Variants in TTC28 observed in about 807,000 individuals in gnomAD.
TTC28 encodes tetratricopeptide repeat domain 28.
In TTC28, 61 loss-of-function variants were observed where a neutral mutation model predicts 198.0. That is an observed-to-expected ratio of 0.31 (90% CI 0.25 to 0.38). The LOEUF is 0.38. Among genes scored for constraint, TTC28 ranks in the 10% least tolerant of loss-of-function variants. The pLI is 1.00. For missense variants in TTC28, 2,678 were observed against 3,164.0 expected (o/e 0.85, Z 3.69); for synonymous variants, 1,171 against 1,297.8 (o/e 0.90, Z 2.10).
chr22:28,640,243 G>C (rs577329185), intron 1 of TTC28, among the ~76,000 whole-genome samples: 1 of 133,682 alleles, frequency 7.5e-6, no homozygotes, highest in Non-Finnish European at 1.6e-5. Flanking sequence ...CTGGGCAACA[G>C]AGTGAGACCC....
rs555761078 is a variant in TTC28 at position 28,486,720 on chromosome 22, C to G, written c.381+142832G>C. On this transcript the variant is annotated intron_variant, in intron 2 of 22. Coordinates refer to ENST00000397906, the MANE Select transcript of TTC28 (RefSeq NM_001145418.2). ...CAAATTACTCAGAGCTGGGTTTAAA[C>G]TCTGACTTTTCCACTTCCTCGTTAA... is the stretch of plus-strand genomic sequence containing the variant. 2.6e-5 allele frequency among the ~76,000 whole-genome samples: 4 copies of G among 152,272 alleles called. No homozygotes were observed. In the East Asian group the frequency reaches 7.7e-4, roughly 29 times the overall value.
rs528685210 is a variant in TTC28, at chr22:28,264,648, C to T, written c.933+31550G>A. On this transcript the variant is annotated intron_variant, in intron 5 of 22. Transcript: ENST00000397906. ...ACGCACACACGCATGCACGTGTGGG[C>T]GCGTGTGCTTAAATGAGGTCTGAAG... 3.9e-5 allele frequency among the ~76,000 whole-genome samples: 6 copies of T among 152,064 alleles called. No individual in the cohort carries two copies. In the South Asian group the frequency reaches 1.2e-3, roughly 32 times the overall value.
intron 2 of TTC28, among the ~76,000 whole-genome samples, chr22:28,598,496 G>A (rs575581857): frequency 1.4e-4 from 16 of 111,358 alleles, no homozygotes; most frequent in African/African-American, 4.3e-4. Flanking sequence ...GCAACAGAGC[G>A]AGACTACGTC....
chr22:28,274,796 A>T (rs1365950174), intron 5 of TTC28, among the ~76,000 whole-genome samples: 2 of 152,050 alleles, frequency 1.3e-5, no homozygotes, highest in Non-Finnish European at 2.9e-5. Context: ...CCTGGCCAAC[A>T]TGGAGAAACC....
At chr22:28,099,085 C>T (rs1942061817) in intron 9 of TTC28, 41 bp from the exon 10 acceptor site, 1 of 1,550,550 alleles carries the variant, frequency 6.4e-7, no homozygotes, top group Non-Finnish European at 8.7e-7. Flanking sequence ...TCCCCAGAAA[C>T]CAATGTCCAG....
chr22:28,392,195 C>T (rs1175455756), intron 2 of TTC28, among the ~76,000 whole-genome samples: 1 of 152,208 alleles, frequency 6.6e-6, no homozygotes, highest in African/African-American at 2.4e-5. Context: ...GGCAGTCTGC[C>T]CGTTCTCAGA....
At chr22:28,151,185 C>G (rs1400963401) in intron 6 of TTC28, among the ~76,000 whole-genome samples, 1 of 152,188 alleles carries the variant, frequency 6.6e-6, no homozygotes. Flanking sequence ...TTATTCAGTT[C>G]TTGAAGACTC....
chr22:28,484,767 A>C (rs2146330390), intron 2 of TTC28, among the ~76,000 whole-genome samples: 1 of 152,346 alleles, frequency 6.6e-6, no homozygotes, highest in South Asian at 2.1e-4. Context: ...AAGTAAGCAG[A>C]ATCTGAAAGA....
At chr22:28,599,612 G>C (rs1391004762) in intron 2 of TTC28, among the ~76,000 whole-genome samples, 1 of 152,094 alleles carries the variant, frequency 6.6e-6, no homozygotes, top group Non-Finnish European at 1.5e-5. Flanking sequence ...AAAATAGCGA[G>C]ACCCCCATCT....
intron 2 of TTC28, among the ~76,000 whole-genome samples, chr22:28,520,718 A>G (rs2048888056): frequency 6.6e-6 from 1 of 152,104 alleles, no homozygotes; most frequent in South Asian, 2.1e-4. Context: ...TGATCACACC[A>G]CTGCATTCCA....
intron 2 of TTC28, among the ~76,000 whole-genome samples, chr22:28,478,947 T>G (rs1568969680): frequency 6.6e-6 from 1 of 152,224 alleles, no homozygotes; most frequent in South Asian, 2.1e-4. Context: ...CCTTGTTCAT[T>G]TGTTTATGTT....
At chr22:28,040,107 A>C (rs1939554206) in intron 12 of TTC28, among the ~76,000 whole-genome samples, 1 of 152,148 alleles carries the variant, frequency 6.6e-6, no homozygotes, top group Admixed American at 6.6e-5. Flanking sequence ...AGCCTACCAA[A>C]CAAAAAAAGT....
At chr22:28,120,546 C>T (rs927630105) in intron 6 of TTC28, among the ~76,000 whole-genome samples, 1 of 152,218 alleles carries the variant, frequency 6.6e-6, no homozygotes, top group South Asian at 2.1e-4. Flanking sequence ...GAGTCTGAGA[C>T]AGTAACTGCT....
intron 13 of TTC28, among the ~76,000 whole-genome samples, chr22:28,018,463 T>C (rs1332489817): frequency 6.6e-6 from 1 of 152,244 alleles, no homozygotes; most frequent in Admixed American, 6.5e-5. Flanking sequence ...ACTTTCTCCC[T>C]GAGCAGGAGG....
intron 5 of TTC28, among the ~76,000 whole-genome samples, chr22:28,228,648 C>A (rs1204953809): frequency 1.3e-5 from 2 of 150,536 alleles, no homozygotes; most frequent in African/African-American, 4.9e-5. Context: ...TGCAGTGAGC[C>A]GAGATTGCGC....
intron 12 of TTC28, among the ~76,000 whole-genome samples, chr22:28,059,657 A>G (rs1339565909): frequency 6.6e-6 from 1 of 152,184 alleles, no homozygotes; most frequent in Non-Finnish European, 1.5e-5. Context: ...AAGTTGCCAA[A>G]TACAACTGCA....
chr22:28,546,720 G>A (rs1225539547), intron 2 of TTC28, among the ~76,000 whole-genome samples: 7 of 151,942 alleles, frequency 4.6e-5, no homozygotes, highest in African/African-American at 1.5e-4. Context: ...TAACTCAAAG[G>A]TCCATCAACA....
intron 2 of TTC28, among the ~76,000 whole-genome samples, chr22:28,500,863 T>C (rs1399104650): frequency 6.6e-6 from 1 of 152,136 alleles, no homozygotes; most frequent in Non-Finnish European, 1.5e-5. Context: ...AAACTAGAAA[T>C]GTATCAATCA....
chr22:28,271,402 T>C lies in TTC28; in HGVS notation c.933+24796A>G, dbSNP rs1390396719. Among the ~76,000 whole-genome samples the C allele has an allele frequency of 7.9e-5, 12 of 152,228 alleles. No homozygotes were observed. The East Asian group carries it at 2.3e-3, about 29-fold the overall frequency. ...AGATGAACATAATCTGGCAGTATTCTTTATTAATTATCCTCTCTAGATTGG... is the reference window on the plus strand; with the variant it reads ...AGATGAACATAATCTGGCAGTATTCCTTATTAATTATCCTCTCTAGATTGG... On this transcript the variant is annotated intron_variant, in intron 5 of 22. Transcript: ENST00000397906.
Sources: allele counts gnomAD v4.1 joint callset (sites outside exome capture counted in the v4.1 genomes callset), GRCh38; gene constraint gnomAD v4.1.1; transcripts MANE v1.5; gene names NCBI Gene and HGNC (gene_info 2026-07-23, HGNC 2026-07-21).